Variants in MAN1A2 observed in about 807,000 individuals in gnomAD.
The protein encoded by MAN1A2 is mannosidase alpha class 1A member 2.
A neutral mutation model predicts 75.7 loss-of-function variants in MAN1A2; 26 were observed. That is an observed-to-expected ratio of 0.34 (90% CI 0.25 to 0.48). MAN1A2 has a LOEUF of 0.48. Among genes scored for constraint, MAN1A2 ranks in the 20% least tolerant of loss-of-function variants. The probability of loss-of-function intolerance (pLI) is 0.99; values close to 1 mark genes in which losing one functional copy is unlikely to be tolerated. For synonymous variants in MAN1A2, 247 were observed against 264.6 expected (o/e 0.93, Z 0.65); for missense variants, 562 against 775.5 (o/e 0.72, Z 3.27).
At position 117,502,918 on chromosome 1, in the gene MAN1A2, A is replaced by G. The variant is rs912417504; in HGVS notation, c.1741A>G (p.Thr581Ala). The G allele has an allele frequency of 1.9e-6, 3 of 1,607,672 alleles. No individual in the cohort carries two copies. The highest frequency in any genetic ancestry group is 2.6e-6 in the Non-Finnish European group (3 of 1,176,378). The change falls in exon 12 of 13, where the codon ACT becomes GCT. Residue 581 changes from threonine to alanine, a missense_variant. Thr to Ala is a moderately conservative substitution (Grantham distance 58). Around this residue, in one of 2 missense-constraint regions of MAN1A2, gnomAD observed 434 missense variants for 645.7 expected, o/e 0.67. Coordinates refer to ENST00000356554, the MANE Select transcript of MAN1A2 (RefSeq NM_006699.5). ...TGGAGTCAAAGATGTATATTCCTCT[A>G]CTCCTACACATGATGATGTACAGCA... ...FSGVKDVYSS[T>A]PTHDDVQQSF...
rs1159064771 is a variant in MAN1A2, at chr1:117,502,954, C to G, written c.1777C>G (p.Leu593Val). ...THDDVQQSFF[L>V]AETLKYLYLL... Reference sequence around the variant, plus strand: ...TGATGATGTACAGCAGAGCTTTTTTCTTGCTGAAACATTAAAGTAAGTATA... The same window carrying G: ...TGATGATGTACAGCAGAGCTTTTTTGTTGCTGAAACATTAAAGTAAGTATA... Residue 593 changes from leucine (L) to valine (V), a missense_variant, in exon 12 of 13, where the codon CTT becomes GTT. Leu to Val is a conservative substitution (Grantham distance 32). Around this residue, in one of 2 missense-constraint regions of MAN1A2, gnomAD observed 434 missense variants for 645.7 expected, o/e 0.67. Coordinates refer to ENST00000356554, the MANE Select transcript of MAN1A2 (RefSeq NM_006699.5). The G allele has an allele frequency of 1.9e-6, 3 of 1,585,654 alleles. No homozygotes were observed. The highest frequency in any genetic ancestry group is 2.6e-6 in the Non-Finnish European group (3 of 1,162,954).
chr1:117,476,155 A>G (rs1271372932), intron 8 of MAN1A2, among the ~76,000 whole-genome samples: 1 of 152,004 alleles, frequency 6.6e-6, no homozygotes, highest in African/African-American at 2.4e-5. Flanking sequence ...TGGCTGCATA[A>G]ATGTCTTCTT....
At chr1:117,442,852 G>A (rs3767796) in intron 6 of MAN1A2, among the ~76,000 whole-genome samples, 24,164 of 152,154 alleles carry the variant, frequency 0.16, 2,301 homozygotes, top group African/African-American at 0.24. Context: ...GAAGTTCAAA[G>A]TGAACTCTTA....
At chr1:117,508,765 C>A (rs1356123353) in intron 12 of MAN1A2, among the ~76,000 whole-genome samples, 2 of 151,312 alleles carry the variant, frequency 1.3e-5, no homozygotes, top group Non-Finnish European at 3.0e-5. Flanking sequence ...ATTAAGTCCA[C>A]ATGTGCATAC....
intron 8 of MAN1A2, among the ~76,000 whole-genome samples, chr1:117,479,215 G>A (rs1650415172): frequency 6.6e-6 from 1 of 151,718 alleles, no homozygotes; most frequent in African/African-American, 2.4e-5. Flanking sequence ...TTCTGTTCCT[G>A]TATAGTTTGC....
chr1:117,442,976 C>T (rs1276398218), intron 6 of MAN1A2, among the ~76,000 whole-genome samples: 1 of 152,072 alleles, frequency 6.6e-6, no homozygotes, highest in Non-Finnish European at 1.5e-5. Context: ...ATACAATTAA[C>T]ATTTGAATAA....
chr1:117,370,738 A>AGTGTGTGTGT (rs71658400), intron 1 of MAN1A2, among the ~76,000 whole-genome samples: 5,994 of 148,262 alleles, frequency 0.04, 160 homozygotes, highest in South Asian at 0.073. Context: ...ATCTTCATTT[A>AGTGTGTGTGT]GTGTGTGTGT....
At chr1:117,466,295 T>C in intron 7 of MAN1A2, 39 bp from the exon 8 acceptor site, 1 of 1,350,994 alleles carries the variant, frequency 7.4e-7, no homozygotes, top group Non-Finnish European at 1.0e-6. Context: ...TGATGACACT[T>C]ATTTTTATTA....
At chr1:117,426,365 TG>T (rs1199280221) in intron 5 of MAN1A2, among the ~76,000 whole-genome samples, 5 of 152,178 alleles carry the variant, frequency 3.3e-5, no homozygotes, top group African/African-American at 1.2e-4. Context: ...TTTAAGCTGC[TG>T]GGGTCTGTGG....
At chr1:117,426,442 C>T (rs1399819853) in intron 5 of MAN1A2, among the ~76,000 whole-genome samples, 3 of 152,038 alleles carry the variant, frequency 2.0e-5, no homozygotes, top group Non-Finnish European at 1.5e-5. Context: ...AGACATCCAT[C>T]GACTTATGAT....
At chr1:117,453,031 G>T (rs1649473519) in intron 6 of MAN1A2, among the ~76,000 whole-genome samples, 1 of 152,202 alleles carries the variant, frequency 6.6e-6, no homozygotes. Context: ...TGGTCTGTAA[G>T]TGGAACAACA....
chr1:117,386,478 T>C (rs993655401), intron 1 of MAN1A2, among the ~76,000 whole-genome samples: 1 of 152,126 alleles, frequency 6.6e-6, no homozygotes, highest in African/African-American at 2.4e-5. Flanking sequence ...GCACAATAAA[T>C]AATTGAATTA....
At chr1:117,389,751 C>T (rs1004395730) in intron 1 of MAN1A2, among the ~76,000 whole-genome samples, 7 of 151,450 alleles carry the variant, frequency 4.6e-5, no homozygotes, top group Non-Finnish European at 1.0e-4. Flanking sequence ...CTGCTAGAAC[C>T]TGTAATAGAT....
At chr1:117,499,357 A>G in intron 10 of MAN1A2, 25 bp from the exon 11 acceptor site, 1 of 1,500,812 alleles carries the variant, frequency 6.7e-7, no homozygotes, top group Non-Finnish European at 8.9e-7. Context: ...TATTTTGCTC[A>G]GTTATTTCTT....
At chr1:117,421,384 C>T (rs945084163) in intron 5 of MAN1A2, among the ~76,000 whole-genome samples, 2 of 151,672 alleles carry the variant, frequency 1.3e-5, no homozygotes, top group Non-Finnish European at 2.9e-5. Context: ...TCTATGTTAG[C>T]TGTATTTTGT....
At chr1:117,414,499 G>A (rs1287909043) in intron 3 of MAN1A2, among the ~76,000 whole-genome samples, 1 of 150,960 alleles carries the variant, frequency 6.6e-6, no homozygotes, top group Non-Finnish European at 1.5e-5. Flanking sequence ...ATTAAACTAT[G>A]TATATTATCT....
chr1:117,509,029 GT>G (rs1466039047), intron 12 of MAN1A2, among the ~76,000 whole-genome samples: 1 of 151,242 alleles, frequency 6.6e-6, no homozygotes, highest in Non-Finnish European at 1.5e-5. Context: ...CAATTGGAAA[GT>G]TTTTTTCAAC....
intron 12 of MAN1A2, among the ~76,000 whole-genome samples, chr1:117,521,895 T>A (rs1651880795): frequency 6.6e-6 from 1 of 151,786 alleles, no homozygotes; most frequent in Admixed American, 6.6e-5. Context: ...CTGGATGAGA[T>A]TGGAAACTAT....
Position 117,495,821 on chromosome 1 carries a change from A to G in MAN1A2, c.1285-942A>G, listed in dbSNP as rs138150639. Among the ~76,000 whole-genome samples the G allele has an allele frequency of 6.7e-3, 1,026 of 152,050 alleles. 6 individuals are homozygous for G. Among genetic ancestry groups the G allele is most frequent in the African/African-American group, 0.023 (970 of 41,534 alleles). ...TAATCTTTTTGTGCTTCAGAGTGCT[A>G]TGGTTAAAACAATGACAAAAACTTA... On this transcript the variant is annotated intron_variant, in intron 9 of 12. Coordinates refer to ENST00000356554, the MANE Select transcript of MAN1A2 (RefSeq NM_006699.5).
Sources: gnomAD v4.1 joint callset for allele counts (sites outside exome capture counted in the v4.1 genomes callset) on GRCh38, gnomAD v4.1.1 for gene constraint, gnomAD v4.1.1 regional missense constraint, MANE v1.5 for transcripts, NCBI Gene and HGNC (gene_info 2026-07-23, HGNC 2026-07-21) for gene names.